The following PTPRT variants were observed in gnomAD, a reference collection of about 807,000 sequenced individuals.
The protein encoded by PTPRT is protein tyrosine phosphatase receptor type T.
PTPRT carries 56 observed loss-of-function variants against 176.8 expected under a neutral mutation model. The ratio of observed to expected loss-of-function variants is 0.32; its 90% CI spans 0.26 to 0.40. The LOEUF (loss-of-function observed/expected upper bound fraction) is 0.40, where lower values mean the gene tolerates loss of function less well. Among genes scored for constraint, PTPRT ranks in the 10% least tolerant of loss-of-function variants. PTPRT has a pLI of 1.00. For missense variants in PTPRT, 1,540 were observed against 1,908.2 expected (o/e 0.81, Z 3.60); for synonymous variants, 783 against 739.0 (o/e 1.06, Z -0.96).
At chr20:42,613,462 C>G (rs2074008815) in intron 7 of PTPRT, among the ~76,000 whole-genome samples, 2 of 152,228 alleles carry the variant, frequency 1.3e-5, no homozygotes. Flanking sequence ...ACACACACAG[C>G]TTAGGTAACT....
At chr20:42,125,270 C>T (rs1407342692) in intron 19 of PTPRT, among the ~76,000 whole-genome samples, 1 of 152,204 alleles carries the variant, frequency 6.6e-6, no homozygotes, top group Non-Finnish European at 1.5e-5. Flanking sequence ...AGATACTTTA[C>T]ATCAGTAATT....
At chr20:42,907,619 C>G (rs1049758215) in intron 1 of PTPRT, among the ~76,000 whole-genome samples, 23 of 152,146 alleles carry the variant, frequency 1.5e-4, no homozygotes, top group South Asian at 4.2e-4. Context: ...CAGCAGTATC[C>G]GCCAGCTGGC....
intron 1 of PTPRT, among the ~76,000 whole-genome samples, chr20:43,064,701 G>A (rs939417469): frequency 5.3e-5 from 8 of 152,152 alleles, no homozygotes; most frequent in Non-Finnish European, 8.8e-5. Flanking sequence ...GACAGGAGCT[G>A]GCTGATGTCA....
At chr20:42,720,056 C>T (rs1004954357) in intron 6 of PTPRT, among the ~76,000 whole-genome samples, 1 of 152,182 alleles carries the variant, frequency 6.6e-6, no homozygotes, top group Non-Finnish European at 1.5e-5. Context: ...ATTTAACTCA[C>T]TTACTCATCA....
At chr20:42,236,678 C>A (rs1320821239) in intron 14 of PTPRT, among the ~76,000 whole-genome samples, 3 of 150,616 alleles carry the variant, frequency 2.0e-5, no homozygotes, top group African/African-American at 7.3e-5. Flanking sequence ...GTCTACCACT[C>A]TTCCCTATGA....
At chr20:43,091,771 C>T (rs913723682) in intron 1 of PTPRT, among the ~76,000 whole-genome samples, 15 of 152,116 alleles carry the variant, frequency 9.9e-5, no homozygotes, top group Non-Finnish European at 1.5e-4. Flanking sequence ...ATGATGAGCT[C>T]ATGGTCCCAG....
At chr20:42,837,543 T>C (rs578019491) in intron 2 of PTPRT, among the ~76,000 whole-genome samples, 52 of 152,348 alleles carry the variant, frequency 3.4e-4, no homozygotes, top group Non-Finnish European at 6.3e-4. Context: ...CAGCCAGGTC[T>C]GCTGCAGTCC....
chr20:43,127,347 T>C (rs1433536003), intron 1 of PTPRT, among the ~76,000 whole-genome samples: 1 of 148,424 alleles, frequency 6.7e-6, no homozygotes, highest in African/African-American at 2.5e-5. Context: ...GGCGTGAACC[T>C]GGGAGGCGAA....
intron 16 of PTPRT, among the ~76,000 whole-genome samples, chr20:42,176,931 T>A (rs1054779338): frequency 6.6e-6 from 1 of 152,214 alleles, no homozygotes; most frequent in Non-Finnish European, 1.5e-5. Flanking sequence ...GCCCTGGATA[T>A]TTAGGCTGAG....
chr20:42,159,282 G>A (rs1989486014), intron 17 of PTPRT, among the ~76,000 whole-genome samples: 1 of 150,882 alleles, frequency 6.6e-6, no homozygotes, highest in Admixed American at 6.6e-5. Context: ...TATGCCACCT[G>A]GAGGCTGTTT....
At chr20:42,804,263 C>T (rs1436184071) in intron 2 of PTPRT, among the ~76,000 whole-genome samples, 1 of 152,174 alleles carries the variant, frequency 6.6e-6, no homozygotes, top group Admixed American at 6.5e-5. Flanking sequence ...TTACCTTTCT[C>T]CCATTCCCCA....
At chr20:42,798,753 G>A (rs148178632) in intron 2 of PTPRT, among the ~76,000 whole-genome samples, 40 of 152,272 alleles carry the variant, frequency 2.6e-4, no homozygotes, top group African/African-American at 9.6e-4. Flanking sequence ...AGACCGGTAA[G>A]TTGGGGTTTC....
At chr20:43,091,493 TTCTCTC>T (rs150186688) in intron 1 of PTPRT, among the ~76,000 whole-genome samples, 4 of 123,412 alleles carry the variant, frequency 3.2e-5, no homozygotes, top group Non-Finnish European at 5.2e-5. Flanking sequence ...CTCTCTCTAT[TTCTCTC>T]TCTCTCTCTC....
At chr20:42,446,963 G>T (rs935441136) in intron 9 of PTPRT, among the ~76,000 whole-genome samples, 1 of 152,120 alleles carries the variant, frequency 6.6e-6, no homozygotes, top group African/African-American at 2.4e-5. Flanking sequence ...GTGAGATAAG[G>T]TGTTTTCTTA....
At chr20:42,206,643 G>A (rs2055473303) in intron 15 of PTPRT, among the ~76,000 whole-genome samples, 1 of 152,204 alleles carries the variant, frequency 6.6e-6, no homozygotes, top group Non-Finnish European at 1.5e-5. Context: ...CGCCCACGGA[G>A]TCTCGCTGAT....
intron 9 of PTPRT, among the ~76,000 whole-genome samples, chr20:42,428,914 C>T (rs746709102): frequency 5.3e-5 from 8 of 152,146 alleles, no homozygotes; most frequent in Non-Finnish European, 1.2e-4. Context: ...CATTCCAAAA[C>T]TGCGCCTTTA....
intron 1 of PTPRT, among the ~76,000 whole-genome samples, chr20:43,182,968 C>G (rs199761244): frequency 6.6e-6 from 1 of 152,198 alleles, no homozygotes; most frequent in African/African-American, 2.4e-5. Context: ...TTCTCTCCCC[C>G]ACAAATCCAT....
At chr20:42,437,804 G>A (rs2059275694) in intron 9 of PTPRT, among the ~76,000 whole-genome samples, 1 of 152,126 alleles carries the variant, frequency 6.6e-6, no homozygotes, top group African/African-American at 2.4e-5. Context: ...TCAGAACAGA[G>A]GCTCCAAATG....
At chr20:42,601,081 A>G (rs2073773062) in intron 7 of PTPRT, among the ~76,000 whole-genome samples, 1 of 152,144 alleles carries the variant, frequency 6.6e-6, no homozygotes, top group Admixed American at 6.5e-5. Context: ...TCTCAGTACC[A>G]TGCTCAGCTC....
Sources: allele counts gnomAD v4.1 joint callset (sites outside exome capture counted in the v4.1 genomes callset), GRCh38; gene constraint gnomAD v4.1.1; transcripts MANE v1.5; gene names NCBI Gene and HGNC (gene_info 2026-07-23, HGNC 2026-07-21).